Variants in XPO6 observed in about 807,000 individuals in gnomAD.
XPO6 encodes exportin 6, also known as exportin-6.
Under a neutral mutation model 130.0 loss-of-function variants are expected in XPO6, and 3 were observed. The observed-to-expected ratio is 0.02, with a 90% CI of 0.01 to 0.06. XPO6 has a LOEUF of 0.06. XPO6 is among the 10% of genes least tolerant of loss of function. The probability of loss-of-function intolerance (pLI) is 1.00; values close to 1 mark genes in which losing one functional copy is unlikely to be tolerated. For missense variants in XPO6, 970 were observed against 1,393.0 expected (o/e 0.70, Z 4.83); for synonymous variants, 524 against 548.9 (o/e 0.95, Z 0.63).
intron 1 of XPO6, among the ~76,000 whole-genome samples, chr16:28,189,188 C>T (rs1360570607): frequency 4.6e-5 from 7 of 151,358 alleles, no homozygotes; most frequent in Non-Finnish European, 1.0e-4. Context: ...TCAAGCGATC[C>T]GCCTGCCTCA....
chr16:28,198,496 A>G (rs1316703147), intron 1 of XPO6, among the ~76,000 whole-genome samples: 1 of 152,156 alleles, frequency 6.6e-6, no homozygotes, highest in Non-Finnish European at 1.5e-5. Context: ...GAAGGCACAG[A>G]AACTGAGCTA....
intron 17 of XPO6, among the ~76,000 whole-genome samples, chr16:28,108,490 A>G (rs2086835938): frequency 6.6e-6 from 1 of 152,162 alleles, no homozygotes; most frequent in African/African-American, 2.4e-5. Context: ...GATTAGAGAC[A>G]AGGTCCCGAA....
rs1270920597 is a variant in XPO6, at chr16:28,106,840, C to T, written c.2498-343G>A. On this transcript the variant is annotated intron_variant, in intron 18 of 23. Coordinates refer to ENST00000304658, the MANE Select transcript of XPO6 (RefSeq NM_015171.4). This position sits in a 1 kb window ranked among gnomAD's most constrained non-coding sequence, Gnocchi z 4.2. ...CACTGATGAATGCCAACTGGGTCAA[C>T]ACCTGAGTGCTTAAGCCATTTCCCC... Among the ~76,000 whole-genome samples, 1 of 152,226 alleles carries T rather than the reference C, an allele frequency of 6.6e-6. No homozygotes were observed. Among genetic ancestry groups the T allele is most frequent in the Admixed American group, 6.5e-5 (1 of 15,280 alleles).
intron 6 of XPO6, among the ~76,000 whole-genome samples, chr16:28,160,787 T>A (rs1394381387): frequency 1.3e-5 from 2 of 152,216 alleles, no homozygotes; most frequent in Non-Finnish European, 2.9e-5. Context: ...TTACTTCTAT[T>A]GATATTTGCC....
chr16:28,112,263 G>T (rs931562754), intron 16 of XPO6, among the ~76,000 whole-genome samples: 2 of 152,158 alleles, frequency 1.3e-5, no homozygotes, highest in Middle Eastern at 3.2e-3. Flanking sequence ...TCTGATACTT[G>T]AAGTATTAGA....
At chr16:28,177,592 C>G (rs1596938428) in intron 2 of XPO6, among the ~76,000 whole-genome samples, 1 of 152,282 alleles carries the variant, frequency 6.6e-6, no homozygotes, top group Non-Finnish European at 1.5e-5. Flanking sequence ...GAGAAACTTT[C>G]ACTGCTAAAG....
chr16:28,202,416 G>A (rs956730824), intron 1 of XPO6, among the ~76,000 whole-genome samples: 21 of 152,120 alleles, frequency 1.4e-4, no homozygotes, highest in African/African-American at 4.6e-4. Flanking sequence ...ACAGAGGGAC[G>A]CAGAACCTGG....
chr16:28,199,247 C>A (rs2043915661), intron 1 of XPO6, among the ~76,000 whole-genome samples: 1 of 152,154 alleles, frequency 6.6e-6, no homozygotes, highest in Admixed American at 6.5e-5. Flanking sequence ...ATGACATGTG[C>A]CCCTAAAATT....
intron 21 of XPO6, among the ~76,000 whole-genome samples, chr16:28,102,211 C>T (rs566208921): frequency 6.6e-6 from 1 of 152,232 alleles, no homozygotes; most frequent in East Asian, 1.9e-4. Context: ...AAGCAAGAAG[C>T]TCACACCTCT....
At chr16:28,133,390 T>C (rs1189850839) in intron 11 of XPO6, among the ~76,000 whole-genome samples, 1 of 151,438 alleles carries the variant, frequency 6.6e-6, no homozygotes, top group Non-Finnish European at 1.5e-5. Context: ...AAGTGATGAA[T>C]TTAATGAAAT....
chr16:28,164,800 G>A (rs1451795037), intron 6 of XPO6, among the ~76,000 whole-genome samples: 1 of 152,214 alleles, frequency 6.6e-6, no homozygotes, highest in East Asian at 1.9e-4. Flanking sequence ...AACTGAGTTA[G>A]CTCAGAACCT....
At chr16:28,156,755 G>T (rs1286251603) in intron 6 of XPO6, among the ~76,000 whole-genome samples, 1 of 152,142 alleles carries the variant, frequency 6.6e-6, no homozygotes, top group African/African-American at 2.4e-5. Flanking sequence ...TAGTGAGGGG[G>T]ATCTGGATAC....
At chr16:28,142,137 C>T (rs1202975376) in intron 9 of XPO6, among the ~76,000 whole-genome samples, 1 of 152,206 alleles carries the variant, frequency 6.6e-6, no homozygotes, top group East Asian at 1.9e-4. Flanking sequence ...TTTAAGACAG[C>T]AAGAAAACAT....
chr16:28,117,945 G>A (rs929496554), intron 14 of XPO6, among the ~76,000 whole-genome samples: 2 of 152,188 alleles, frequency 1.3e-5, no homozygotes, highest in Non-Finnish European at 2.9e-5. Context: ...TAACTGAGGC[G>A]GCAAAGACTA....
intron 7 of XPO6, chr16:28,155,772 C>G (rs1225978382): frequency 2.4e-6 from 1 of 416,488 alleles, no homozygotes; most frequent in Non-Finnish European, 3.7e-6. Flanking sequence ...CACCTCAGAC[C>G]TGCAAGCAAA....
intron 1 of XPO6, among the ~76,000 whole-genome samples, chr16:28,207,883 G>A (rs1027016444): frequency 2.0e-5 from 3 of 152,150 alleles, no homozygotes; most frequent in African/African-American, 7.2e-5. Flanking sequence ...AGTGGCTCAC[G>A]CCTATAATAC....
intron 21 of XPO6, among the ~76,000 whole-genome samples, chr16:28,102,925 G>A (rs775779284): frequency 3.9e-5 from 6 of 152,080 alleles, no homozygotes; most frequent in Non-Finnish European, 8.8e-5. Context: ...CTGTCCCTGG[G>A]CCCCTAAGCT....
At chr16:28,194,959 T>C (rs2043836104) in intron 1 of XPO6, among the ~76,000 whole-genome samples, 1 of 149,584 alleles carries the variant, frequency 6.7e-6, no homozygotes, top group Non-Finnish European at 1.5e-5. Flanking sequence ...ACACACACCA[T>C]TTCCTCTATC....
chr16:28,154,255 TA>T (rs11284457), intron 7 of XPO6: 65,817 of 776,162 alleles, frequency 0.085, 33 homozygotes, highest in African/African-American at 0.13. Flanking sequence ...ACTACCCATT[TA>T]AAAAAAAAAA....
Sources: gnomAD v4.1 joint callset for allele counts (sites outside exome capture counted in the v4.1 genomes callset) on GRCh38, gnomAD v4.1.1 for gene constraint, Gnocchi (gnomAD v3.1) non-coding constraint, MANE v1.5 for transcripts, NCBI Gene and HGNC (gene_info 2026-07-23, HGNC 2026-07-21) for gene names.